EPB41L2: variants seen among roughly 807,000 people sequenced by gnomAD.
EPB41L2 encodes the protein erythrocyte membrane protein band 4.1 like 2.
Under a neutral mutation model 113.0 loss-of-function variants are expected in EPB41L2, and 43 were observed. The ratio of observed to expected loss-of-function variants is 0.38; its 90% CI spans 0.30 to 0.49. EPB41L2 has a LOEUF of 0.49. Ranked by LOEUF, EPB41L2 falls within the 20% of genes least tolerant of loss-of-function variation. The probability of loss-of-function intolerance (pLI) is 0.95; values close to 1 mark genes in which losing one functional copy is unlikely to be tolerated. For synonymous variants in EPB41L2, 442 were observed against 436.7 expected (o/e 1.01, Z -0.15); for missense variants, 1,147 against 1,223.4 (o/e 0.94, Z 0.93).
At chr6:130,931,252 C>A (rs1806732478) in intron 3 of EPB41L2, among the ~76,000 whole-genome samples, 1 of 152,090 alleles carries the variant, frequency 6.6e-6, no homozygotes, top group Admixed American at 6.5e-5. Context: ...TGATTTTATT[C>A]TACTAATTTA....
At chr6:130,878,788 T>TTTTG (rs937057496) in intron 13 of EPB41L2, among the ~76,000 whole-genome samples, 13 of 152,206 alleles carry the variant, frequency 8.5e-5, no homozygotes, top group East Asian at 3.9e-4. Context: ...AGCCAAGGTT[T>TTTTG]TTTGTTTGTT....
At chr6:131,010,023 T>C (rs905564599) in intron 1 of EPB41L2, among the ~76,000 whole-genome samples, 7 of 152,226 alleles carry the variant, frequency 4.6e-5, no homozygotes, top group Admixed American at 4.6e-4. Flanking sequence ...AATGCTCTGT[T>C]AGTGGGCCTT....
intron 1 of EPB41L2, among the ~76,000 whole-genome samples, chr6:131,047,154 T>TTAAA (rs962959599): frequency 1.3e-5 from 2 of 151,998 alleles, no homozygotes; most frequent in Admixed American, 6.6e-5. Flanking sequence ...ACTACAAGAA[T>TTAAA]TAAATAAATA....
intron 1 of EPB41L2, among the ~76,000 whole-genome samples, chr6:131,025,049 G>C (rs903290523): frequency 3.3e-5 from 5 of 151,750 alleles, no homozygotes; most frequent in African/African-American, 1.2e-4. Flanking sequence ...CTTATTTCAG[G>C]GTTTTTTTTT....
intron 1 of EPB41L2, among the ~76,000 whole-genome samples, chr6:130,987,460 A>G (rs1780831866): frequency 6.6e-6 from 1 of 152,166 alleles, no homozygotes; most frequent in South Asian, 2.1e-4. Context: ...TGGGAGGCCA[A>G]GACAGGTGGA....
chr6:131,037,329 A>C (rs573917643), intron 1 of EPB41L2, among the ~76,000 whole-genome samples: 2 of 152,294 alleles, frequency 1.3e-5, no homozygotes, highest in African/African-American at 4.8e-5. Flanking sequence ...CAACCTGGTA[A>C]GTGCCACAAA....
At chr6:130,969,333 C>T (rs947554691) in intron 1 of EPB41L2, among the ~76,000 whole-genome samples, 3 of 152,176 alleles carry the variant, frequency 2.0e-5, no homozygotes, top group African/African-American at 7.2e-5. Flanking sequence ...AAAAAGGAAT[C>T]GCAGAGGTCA....
intron 10 of EPB41L2, among the ~76,000 whole-genome samples, chr6:130,892,289 A>G (rs1793139766): frequency 6.8e-6 from 1 of 146,086 alleles, no homozygotes; most frequent in African/African-American, 2.5e-5. Context: ...TCTAAGCATC[A>G]GTTGTCTTGC....
chr6:130,901,891 A>T (rs935366907), intron 6 of EPB41L2, among the ~76,000 whole-genome samples: 13 of 152,246 alleles, frequency 8.5e-5, no homozygotes, highest in Admixed American at 4.6e-4. Context: ...CTTAAGAATC[A>T]ATAACTAGTA....
At chr6:130,944,548 C>T (rs1812122409) in intron 3 of EPB41L2, among the ~76,000 whole-genome samples, 1 of 152,158 alleles carries the variant, frequency 6.6e-6, no homozygotes, top group Non-Finnish European at 1.5e-5. Context: ...GCAGTGCATG[C>T]TTAATTGCCA....
At chr6:130,971,331 T>C (rs1242384053) in intron 1 of EPB41L2, among the ~76,000 whole-genome samples, 1 of 152,262 alleles carries the variant, frequency 6.6e-6, no homozygotes, top group Admixed American at 6.5e-5. Flanking sequence ...GTTCTTACCA[T>C]AGATCTTAGC....
In EPB41L2 at chr6:131,016,038, T is replaced by C. The variant is rs912706398; in HGVS notation, c.-15+47117A>G. 7.9e-5 allele frequency among the ~76,000 whole-genome samples: 12 copies of C among 152,202 alleles called. 1 individual carries two copies. Among genetic ancestry groups the C allele is most frequent in the African/African-American group, 2.9e-4 (12 of 41,442 alleles). ...GGTTCCAGCTATGAATCGTCTAGGT[T>C]TGTGTGCTGGACAGGGTGAAAAGGG... is the stretch of plus-strand genomic sequence containing the variant. On this transcript the variant is annotated intron_variant, in intron 1 of 19. Transcript: ENST00000337057.
At chr6:130,873,223 A>C (rs1469965903) in intron 14 of EPB41L2, among the ~76,000 whole-genome samples, 1 of 152,196 alleles carries the variant, frequency 6.6e-6, no homozygotes, top group Non-Finnish European at 1.5e-5. Context: ...ACAATTCAAA[A>C]TAGGAAGACA....
chr6:130,910,170 C>T (rs1029219932), intron 4 of EPB41L2, among the ~76,000 whole-genome samples: 1 of 152,056 alleles, frequency 6.6e-6, no homozygotes, highest in Non-Finnish European at 1.5e-5. Flanking sequence ...GGTACTGGTA[C>T]CAAAACAGAT....
rs759178203 is a variant in EPB41L2, at chr6:130,956,274, C to T, written c.212G>A (p.Ser71Asn). 2 of 1,614,068 alleles carry T rather than the reference C, an allele frequency of 1.2e-6. No individual in the cohort carries two copies. The highest frequency in any genetic ancestry group is 2.7e-5 in the African/African-American group (2 of 74,926). ...CGGTATGAACCGAGAAATACCCCTG[C>T]TCTCCGATGTTTCCTTCTCTCTCTT... The part of the protein sequence containing the change: ...RQKREKETSE[S>N]RGISRFIPPW... The change falls in exon 2 of 20, where the codon AGC becomes AAC. Residue 71 changes from serine (S) to asparagine (N), a missense_variant. Physicochemically the swap from Ser to Asn is conservative, Grantham distance 46. Coordinates refer to ENST00000337057, the MANE Select transcript of EPB41L2 (RefSeq NM_001431.4).
chr6:130,875,172 G>T (rs1011167496), intron 14 of EPB41L2, among the ~76,000 whole-genome samples: 1 of 152,026 alleles, frequency 6.6e-6, no homozygotes, highest in Non-Finnish European at 1.5e-5. Context: ...ACCCTGCTAC[G>T]TGTTCTGATG....
At chr6:130,974,411 T>C (rs1301153862) in intron 1 of EPB41L2, among the ~76,000 whole-genome samples, 1 of 152,162 alleles carries the variant, frequency 6.6e-6, no homozygotes, top group Non-Finnish European at 1.5e-5. Flanking sequence ...TTCTTAGCTA[T>C]GGAACCCAAT....
intron 4 of EPB41L2, among the ~76,000 whole-genome samples, chr6:130,910,092 C>G (rs1280050884): frequency 6.6e-6 from 1 of 152,108 alleles, no homozygotes. Context: ...ACAAAAAGAA[C>G]AAAGCTGGAG....
intron 1 of EPB41L2, among the ~76,000 whole-genome samples, chr6:131,051,832 G>A (rs1796622907): frequency 6.6e-6 from 1 of 152,142 alleles, no homozygotes; most frequent in South Asian, 2.1e-4. Context: ...GACATTTTAA[G>A]ACATGCAAGC....
Sources: gnomAD v4.1 joint callset for allele counts (sites outside exome capture counted in the v4.1 genomes callset) on GRCh38, gnomAD v4.1.1 for gene constraint, MANE v1.5 for transcripts, NCBI Gene and HGNC (gene_info 2026-07-23, HGNC 2026-07-21) for gene names.